The following DNAAF4 variants were observed in gnomAD, a reference collection of about 807,000 sequenced individuals.
The protein encoded by DNAAF4 is dynein assembly factor 4, axonemal.
A neutral mutation model predicts 51.8 loss-of-function variants in DNAAF4; 43 were observed. The observed-to-expected ratio is 0.83, with a 90% CI of 0.65 to 1.07. DNAAF4 has a LOEUF of 1.07. Among genes scored for constraint, DNAAF4 ranks in the 50% least tolerant of loss-of-function variants. The pLI is 0.00. For missense variants in DNAAF4, 581 were observed against 493.0 expected (o/e 1.18, Z -1.69); for synonymous variants, 194 against 165.6 (o/e 1.17, Z -1.32).
chr15:55,503,586 C>T (rs984895551), intron 1 of DNAAF4, among the ~76,000 whole-genome samples: 3 of 152,156 alleles, frequency 2.0e-5, no homozygotes, highest in Non-Finnish European at 4.4e-5. Context: ...ACGATCAAGT[C>T]GGCTCCATCC....
chr15:55,488,528 A>G (rs6493791), intron 4 of DNAAF4, among the ~76,000 whole-genome samples: 80,413 of 152,032 alleles, frequency 0.53, 22,769 homozygotes, highest in African/African-American at 0.74. Context: ...CTACGGGTAC[A>G]TAGTACTAGA....
intron 4 of DNAAF4, among the ~76,000 whole-genome samples, chr15:55,486,856 ATCT>A (rs2058496841): frequency 6.6e-6 from 1 of 152,008 alleles, no homozygotes; most frequent in African/African-American, 2.4e-5. Flanking sequence ...TCCATCATCA[ATCT>A]TCTCTCTTCA....
intron 7 of DNAAF4, among the ~76,000 whole-genome samples, chr15:55,436,003 G>A: frequency 6.6e-6 from 1 of 152,108 alleles, no homozygotes; most frequent in East Asian, 1.9e-4. Flanking sequence ...GGTCAGACTG[G>A]TCTCGAACTC....
chr15:55,486,230 G>C (rs951299334), intron 4 of DNAAF4, among the ~76,000 whole-genome samples: 2 of 139,130 alleles, frequency 1.4e-5, no homozygotes, highest in African/African-American at 2.7e-5. Context: ...TTCACTCTTT[G>C]TTACCCAGGC....
intron 5 of DNAAF4, among the ~76,000 whole-genome samples, chr15:55,456,704 G>A (rs1448008913): frequency 6.6e-6 from 1 of 152,164 alleles, no homozygotes; most frequent in Non-Finnish European, 1.5e-5. Context: ...AAGTGTGAGG[G>A]AAGAAAAGGT....
At chr15:55,471,950 C>T (rs1262240190) in intron 4 of DNAAF4, among the ~76,000 whole-genome samples, 1 of 152,194 alleles carries the variant, frequency 6.6e-6, no homozygotes, top group East Asian at 1.9e-4. Context: ...AGCAATTATC[C>T]TGCCTCAGCC....
Position 55,497,817 on chromosome 15 carries a change from G to A in DNAAF4, c.166C>T (p.Pro56Ser), listed in dbSNP as rs771335062. ...PFLFEAFLYA[P>S]IDDESSKAKI... ...GCTTTGCTGCTCTCATCGTCTATGG[G>A]AGCATAAAGAAATGCCTCAAATAAA... Residue 56 changes from proline (P) to serine (S), a missense_variant, in exon 3 of 10, where the codon CCC (proline) becomes TCC (serine). Transcript: ENST00000321149. 4.3e-6 allele frequency: 7 copies of A among 1,613,380 alleles called. No homozygotes were observed. The highest frequency in any genetic ancestry group is 5.1e-6 in the Non-Finnish European group (6 of 1,179,842).
At chr15:55,444,720 G>T (rs1170551188) in intron 6 of DNAAF4, among the ~76,000 whole-genome samples, 1 of 152,060 alleles carries the variant, frequency 6.6e-6, no homozygotes, top group Non-Finnish European at 1.5e-5. Flanking sequence ...CTTTTATTTT[G>T]TTGAGCAGTG....
chr15:55,439,789 G>A (rs912318300), intron 6 of DNAAF4, among the ~76,000 whole-genome samples: 19 of 152,074 alleles, frequency 1.2e-4, no homozygotes, highest in African/African-American at 3.4e-4. Flanking sequence ...CCTCTGAGAG[G>A]TAATGAGGTT....
intron 4 of DNAAF4, among the ~76,000 whole-genome samples, chr15:55,490,579 A>C (rs1371645278): frequency 6.6e-6 from 1 of 152,128 alleles, no homozygotes; most frequent in African/African-American, 2.4e-5. Context: ...TTGAAACTTT[A>C]TTTTTACTCC....
At chr15:55,435,186 C>T (rs1178379508) in intron 7 of DNAAF4, 128 bp from the exon 8 acceptor site, 3 of 949,778 alleles carry the variant, frequency 3.2e-6, no homozygotes, top group Non-Finnish European at 4.5e-6. Flanking sequence ...GTAAACGTTG[C>T]CTGCACTGAA....
At chr15:55,448,925 C>G (rs2057886627) in intron 6 of DNAAF4, among the ~76,000 whole-genome samples, 1 of 150,906 alleles carries the variant, frequency 6.6e-6, no homozygotes, top group African/African-American at 2.4e-5. Flanking sequence ...AGAAATGTTA[C>G]AAATATAGAA....
chr15:55,470,544 G>GTTT (rs879278282), intron 4 of DNAAF4, among the ~76,000 whole-genome samples: 1 of 138,570 alleles, frequency 7.2e-6, no homozygotes. Context: ...GCATGACTGG[G>GTTT]TTTTTTTTTT....
intron 5 of DNAAF4, among the ~76,000 whole-genome samples, chr15:55,460,991 C>T (rs948354404): frequency 6.6e-6 from 1 of 152,028 alleles, no homozygotes; most frequent in African/African-American, 2.4e-5. Context: ...TCTCAAACTC[C>T]TGACCTCAGG....
At chr15:55,456,590 C>T (rs1043442145) in intron 5 of DNAAF4, among the ~76,000 whole-genome samples, 1 of 152,050 alleles carries the variant, frequency 6.6e-6, no homozygotes, top group African/African-American at 2.4e-5. Context: ...TCAGGAACAC[C>T]GCAAGAAACA....
At chr15:55,418,834 A>G (rs2057361410) in intron 7 of DNAAF4, 1 of 287,258 alleles carries the variant, frequency 3.5e-6, no homozygotes, top group South Asian at 7.8e-5. Flanking sequence ...TTACTTATCT[A>G]TTGAGTATAC....
chr15:55,471,565 G>A (rs1178159174), intron 4 of DNAAF4, among the ~76,000 whole-genome samples: 1 of 151,282 alleles, frequency 6.6e-6, no homozygotes, highest in Non-Finnish European at 1.5e-5. Flanking sequence ...CCAGGCTGGA[G>A]TGCAGCGGCA....
chr15:55,455,017 T>C (rs1296598289), intron 5 of DNAAF4, among the ~76,000 whole-genome samples: 1 of 151,040 alleles, frequency 6.6e-6, no homozygotes, highest in Admixed American at 6.6e-5. Context: ...AAAAACTTTA[T>C]GAAAATGAAT....
intron 1 of DNAAF4, among the ~76,000 whole-genome samples, chr15:55,501,989 G>A (rs2058701935): frequency 6.6e-6 from 1 of 151,766 alleles, no homozygotes; most frequent in African/African-American, 2.4e-5. Flanking sequence ...GTTGCATTGA[G>A]CCGAGATCAT....
Sources: gnomAD v4.1 joint callset for allele counts (sites outside exome capture counted in the v4.1 genomes callset) on GRCh38, gnomAD v4.1.1 for gene constraint, MANE v1.5 for transcripts, NCBI Gene and HGNC (gene_info 2026-07-23, HGNC 2026-07-21) for gene names.